Variants in MAPK8IP2 observed in about 807,000 individuals in gnomAD.
The protein encoded by MAPK8IP2 is mitogen-activated protein kinase 8 interacting protein 2.
MAPK8IP2 carries 15 observed loss-of-function variants against 75.6 expected under a neutral mutation model. The observed-to-expected ratio is 0.20, with a 90% CI of 0.13 to 0.31. MAPK8IP2 has a LOEUF of 0.31. Ranked by LOEUF, MAPK8IP2 falls within the 10% of genes least tolerant of loss-of-function variation. The pLI, the probability that MAPK8IP2 is intolerant of heterozygous loss-of-function variation, is 1.00. For missense variants in MAPK8IP2, 1,089 were observed against 1,211.2 expected, an observed-to-expected ratio of 0.90 and a Z score of 1.50; for synonymous variants, 632 against 554.5, an observed-to-expected ratio of 1.14 and a Z score of -1.96.
At position 50,604,241 on chromosome 22, in the gene MAPK8IP2, G is replaced by T; in HGVS notation, c.942G>T (p.Pro314=). The change falls in exon 5 of 12, where the codon CCG becomes CCT. Residue 314 remains proline (P), a synonymous_variant. Transcript: ENST00000329492. ...AGCCGGAGCCCCCGCGCGAACCCCC[G>T]CGCCGCCCCGCCTTCCTGCCCGTGG... ...ASEPEPPREP[P]RRPAFLPVGP... 6.4e-7 allele frequency: 1 copy of T among 1,563,686 alleles called. No individual in the cohort carries two copies. The highest frequency in any genetic ancestry group is 8.6e-7 in the Non-Finnish European group (1 of 1,163,086).
Position 50,604,594 on chromosome 22 carries a change from C to T in MAPK8IP2, c.1295C>T (p.Pro432Leu). 6.9e-7 allele frequency: 1 copy of T among 1,454,884 alleles called. No homozygotes were observed. Among genetic ancestry groups the T allele is most frequent in the South Asian group, 1.3e-5 (1 of 74,448 alleles). 90.1% of individuals were successfully genotyped at this position (1,454,884 alleles called of 1,614,324 possible). ...PAAPRPGPAQ[P>L]GPCLFLSNPT... ...GCGCCTCGACCCGGCCCCGCGCAGC[C>T]CGGGCCCTGCCTATTCCTCAGCAAC... The change falls in exon 5 of 12, where the codon CCC (proline) becomes CTC (leucine). Residue 432 changes from proline to leucine, a missense_variant. By Grantham distance (98) the Pro-to-Leu change is moderately conservative. This residue lies in a region of MAPK8IP2 where 960 missense variants were observed against 1,009.6 expected (regional missense o/e 0.95). Transcript: ENST00000329492.
At chr22:50,605,235 G>T in intron 5 of MAPK8IP2, 133 bp from the exon 6 acceptor site, 2 of 1,105,176 alleles carry the variant, frequency 1.8e-6, no homozygotes, top group Non-Finnish European at 2.6e-6. Context: ...CTCTGCCTCA[G>T]CTCCTTCCCG....
At chr22:50,602,029 C>G in intron 2 of MAPK8IP2, 135 bp downstream of exon 2, 1 of 678,948 alleles carries the variant, frequency 1.5e-6, no homozygotes, top group South Asian at 1.7e-5. Flanking sequence ...CTCCTCCCCA[C>G]TTAACCCTTG....
chr22:50,608,425 TCACCA>T (rs2071087115), intron 10 of MAPK8IP2, among the ~76,000 whole-genome samples: 2 of 104,722 alleles, frequency 1.9e-5, no homozygotes, highest in Non-Finnish European at 1.9e-5. Context: ...AGCTCTGGGG[TCACCA>T]GGACAGCGAA....
In MAPK8IP2 at chr22:50,604,952, G is replaced by C. The variant is rs571873645; in HGVS notation, c.1653G>C (p.Ala551=). Residue 551 remains alanine, a synonymous_variant, in exon 5 of 12, where the codon GCG becomes GCC. Coordinates refer to ENST00000329492, the MANE Select transcript of MAPK8IP2 (RefSeq NM_012324.6). ...AGGCCAGCGAGGAGGAGGCGGGCGC[G>C]GCGCTGCTAGGCGGCGGTCAGGTCT... ...GGEASEEEAG[A]ALLGGGQVSG... 3.7e-6 allele frequency: 6 copies of C among 1,611,688 alleles called. No homozygotes were observed. In the African/African-American group the frequency reaches 6.7e-5, roughly 18 times the overall value.
rs372704970 is a variant in MAPK8IP2, at chr22:50,603,508, C to T, written c.447+10C>T. Reference sequence around the variant, plus strand: ...CACACTGGGGGCCCAGGTGAGTGCCCGGACCCACAGCTCCCTGGAGCTGAG... The same window carrying T: ...CACACTGGGGGCCCAGGTGAGTGCCTGGACCCACAGCTCCCTGGAGCTGAG... On this transcript the variant is annotated intron_variant, in intron 3 of 11. Transcript: ENST00000329492. The T allele has an allele frequency of 2.6e-5, 41 of 1,564,172 alleles. No homozygotes were observed. The African/African-American group carries it at 3.0e-4, about 11-fold the overall frequency.
chr22:50,602,092 G>A (rs763005814), intron 2 of MAPK8IP2, among the ~76,000 whole-genome samples, 198 bp downstream of exon 2: 2 of 152,120 alleles, frequency 1.3e-5, no homozygotes, highest in Non-Finnish European at 2.9e-5. Flanking sequence ...AGGCCTCCAC[G>A]CAGGGCCTTC....
In MAPK8IP2 at chr22:50,604,245, C is replaced by G. The variant is rs953320146; in HGVS notation, c.946C>G (p.Arg316Gly). 1 of 1,564,762 alleles carries G rather than the reference C, an allele frequency of 6.4e-7. No homozygotes were observed. Among genetic ancestry groups the G allele is most frequent in the Non-Finnish European group, 8.6e-7 (1 of 1,163,604 alleles). Residue 316 changes from arginine (R) to glycine (G), a missense_variant, in exon 5 of 12, where the codon CGC (arginine) becomes GGC (glycine). Coordinates refer to ENST00000329492, the MANE Select transcript of MAPK8IP2 (RefSeq NM_012324.6). ...GGAGCCCCCGCGCGAACCCCCGCGC[C>G]GCCCCGCCTTCCTGCCCGTGGGCCC... is the stretch of plus-strand genomic sequence containing the variant. ...EPEPPREPPR[R>G]PAFLPVGPDD... is the part of the protein sequence containing the mutation.
In MAPK8IP2 at chr22:50,610,020, G is replaced by A. The variant is rs1208854177; in HGVS notation, c.2304-192G>A. ...AACTCAGAGCGTGAACTCTTGGTAG[G>A]TGCCCAGCCCTGTGCTTGGGCTGAA... On this transcript the variant is annotated intron_variant, in intron 10 of 11. Coordinates refer to ENST00000329492, the MANE Select transcript of MAPK8IP2 (RefSeq NM_012324.6). The surrounding 1 kb of genome is among the most constrained non-coding windows in gnomAD (Gnocchi z 4.3). 2 of 736,692 alleles carry A rather than the reference G, an allele frequency of 2.7e-6. No homozygotes were observed. The highest frequency in any genetic ancestry group is 2.5e-6 in the Non-Finnish European group (1 of 402,686). 45.6% of individuals were successfully genotyped at this position (736,692 alleles called of 1,614,324 possible).
At position 50,606,682 on chromosome 22, in the gene MAPK8IP2, G is replaced by A. The variant is rs370006761; in HGVS notation, c.2149G>A (p.Val717Ile). Residue 717 changes from valine to isoleucine, a missense_variant, in exon 9 of 12, where the codon GTC becomes ATC. Val to Ile is a conservative substitution (Grantham distance 29). Around this residue, in one of 2 missense-constraint regions of MAPK8IP2, gnomAD observed 129 missense variants for 201.7 expected, o/e 0.64. Transcript: ENST00000329492. ...QKIATARKLT[V>I]HLRPPASCDL... ...GATTGCCACTGCCCGGAAACTGACC[G>A]TCCACCTGCGCCCTCCTGCCTCCTG... is the stretch of plus-strand genomic sequence containing the variant. 24 of 1,597,516 alleles carry A rather than the reference G, an allele frequency of 1.5e-5. No individual in the cohort carries two copies. The highest frequency in any genetic ancestry group is 4.5e-5 in the South Asian group (4 of 88,194).
rs1056677826 is a variant in MAPK8IP2, at chr22:50,611,155, G to A, written c.*376G>A. The A allele has an allele frequency of 1.7e-4, 34 of 198,116 alleles. No homozygotes were observed. Among genetic ancestry groups the A allele is most frequent in the Non-Finnish European group, 3.4e-4 (34 of 98,706 alleles). 12.3% of individuals were successfully genotyped at this position (198,116 alleles called of 1,614,324 possible). ...GGTGTGGAGGAGGTGCGGCTCTAGG[G>A]ACAGGTAATGTCGGCTTCCAAGTGA... On this transcript the variant is annotated 3_prime_UTR_variant, in exon 12 of 12. Coordinates refer to ENST00000329492, the MANE Select transcript of MAPK8IP2 (RefSeq NM_012324.6). The surrounding 1 kb of genome is among the most constrained non-coding windows in gnomAD (Gnocchi z 5.5).
At chr22:50,606,570 A>T in intron 8 of MAPK8IP2, 88 bp from the exon 9 acceptor site, 1 of 906,298 alleles carries the variant, frequency 1.1e-6, no homozygotes, top group South Asian at 1.4e-5. Context: ...ACATAAGCTA[A>T]AAGGAGCAGA....
chr22:50,604,488 C>T lies in MAPK8IP2; in HGVS notation c.1189C>T (p.Pro397Ser). 5 of 1,252,410 alleles carry T rather than the reference C, an allele frequency of 4.0e-6. No individual in the cohort carries two copies. Among genetic ancestry groups the T allele is most frequent in the South Asian group, 6.3e-5 (2 of 31,960 alleles). The allele number at this position is 1,252,410 out of a possible 1,614,324, so 77.6% of individuals were successfully genotyped here. ...CGGGGCCGCCCAGGACTCCCAGGAC[C>T]CCGAGGCGGCCGCGGGGCCCGGCGG... ...AGGAAQDSQDPEAAAGPGGVE... is the reference protein window; with the variant it reads ...AGGAAQDSQDSEAAAGPGGVE... Residue 397 changes from proline (P) to serine (S), a missense_variant, in exon 5 of 12, where the codon CCC becomes TCC. Around this residue, in one of 2 missense-constraint regions of MAPK8IP2, gnomAD observed 960 missense variants for 1,009.6 expected, o/e 0.95. Transcript: ENST00000329492.
Position 50,603,495 on chromosome 22 carries a change from C to A in MAPK8IP2, c.444C>A (p.Ala148=). 1 of 1,562,156 alleles carries A rather than the reference C, an allele frequency of 6.4e-7. No homozygotes were observed. The highest frequency in any genetic ancestry group is 8.7e-7 in the Non-Finnish European group (1 of 1,150,140). Reference sequence around the variant, plus strand: ...CCCTCCGTCTGACCACACTGGGGGCCCAGGTGAGTGCCCGGACCCACAGCT... The same window carrying A: ...CCCTCCGTCTGACCACACTGGGGGCACAGGTGAGTGCCCGGACCCACAGCT... ...PTTLRLTTLG[A]QDSLNNNGGF... The change falls in exon 3 of 12, where the codon GCC becomes GCA. Residue 148 remains alanine, a synonymous_variant. Transcript: ENST00000329492.
Position 50,603,411 on chromosome 22 carries a change from C to G in MAPK8IP2, c.360C>G (p.Ala120=), listed in dbSNP as rs770254493. The change falls in exon 3 of 12, where the codon GCC becomes GCG. Residue 120 remains alanine (A), a synonymous_variant. Coordinates refer to ENST00000329492, the MANE Select transcript of MAPK8IP2 (RefSeq NM_012324.6). ...EGGDPGSEAP[A]PGPLIPSPSV... Reference sequence around the variant, plus strand: ...GAGACCCTGGCTCAGAGGCACCTGCCCCCGGGCCCCTTATCCCCTCCCCTT... The same window carrying G: ...GAGACCCTGGCTCAGAGGCACCTGCGCCCGGGCCCCTTATCCCCTCCCCTT... 1 of 1,560,714 alleles carries G rather than the reference C, an allele frequency of 6.4e-7. No individual in the cohort carries two copies. The highest frequency in any genetic ancestry group is 1.9e-5 in the Admixed American group (1 of 53,182).
In MAPK8IP2 at chr22:50,610,116, A is replaced by G. The variant is rs545038041; in HGVS notation, c.2304-96A>G. The G allele has an allele frequency of 6.9e-6, 6 of 867,000 alleles. No individual in the cohort carries two copies. The highest frequency in any genetic ancestry group is 5.7e-5 in the South Asian group (4 of 70,516). 53.7% of individuals were successfully genotyped at this position (867,000 alleles called of 1,614,324 possible). A position where few individuals can be genotyped will look rare whatever the true frequency, so the allele number is the denominator to read the frequency against. Reference sequence around the variant, plus strand: ...ACTCCTGTCCCTTACCCTCTCCCCAAGCCCTTTGTTCCTGCCTCTTCTCTC... The same window carrying G: ...ACTCCTGTCCCTTACCCTCTCCCCAGGCCCTTTGTTCCTGCCTCTTCTCTC... On this transcript the variant is annotated intron_variant, in intron 10 of 11. Coordinates refer to ENST00000329492, the MANE Select transcript of MAPK8IP2 (RefSeq NM_012324.6). This position sits in a 1 kb window ranked among gnomAD's most constrained non-coding sequence, Gnocchi z 4.3.
Position 50,604,549 on chromosome 22 carries a change from C to T in MAPK8IP2, c.1250C>T (p.Pro417Leu). The change falls in exon 5 of 12, where the codon CCG becomes CTG. Residue 417 changes from proline to leucine, a missense_variant. This residue lies in a region of MAPK8IP2 where 960 missense variants were observed against 1,009.6 expected (regional missense o/e 0.95). Coordinates refer to ENST00000329492, the MANE Select transcript of MAPK8IP2 (RefSeq NM_012324.6). Reference protein sequence around the residue: ...ELVDMETLCAPPPPAPAAPRP... With the variant: ...ELVDMETLCALPPPAPAAPRP... ...GTGGACATGGAGACGCTGTGCGCGC[C>T]GCCGCCGCCCGCGCCCGCCGCGCCT... 8.8e-7 allele frequency: 1 copy of T among 1,142,182 alleles called. No individual in the cohort carries two copies. Among genetic ancestry groups the T allele is most frequent in the Non-Finnish European group, 1.1e-6 (1 of 934,864 alleles). The allele number at this position is 1,142,182 out of a possible 1,614,324, so 70.8% of individuals were successfully genotyped here. A position where few individuals can be genotyped will look rare whatever the true frequency, so the allele number is the denominator to read the frequency against.
chr22:50,606,698 C>A lies in MAPK8IP2; in HGVS notation c.2165C>A (p.Pro722His). 1 of 1,598,564 alleles carries A rather than the reference C, an allele frequency of 6.3e-7. No individual in the cohort carries two copies. The change falls in exon 9 of 12, where the codon CCT (proline) becomes CAT (histidine). Residue 722 changes from proline to histidine, a missense_variant. Transcript: ENST00000329492. Reference protein sequence around the residue: ...ARKLTVHLRPPASCDLEISLR... With the variant: ...ARKLTVHLRPHASCDLEISLR... The stretch of plus-strand genomic sequence containing the variant: ...AAACTGACCGTCCACCTGCGCCCTC[C>A]TGCCTCCTGTGACCTCGAGATCTCT...
chr22:50,605,706 G>T lies in MAPK8IP2; in HGVS notation c.1986G>T (p.Ala662=), dbSNP rs754876539. 2.5e-6 allele frequency: 4 copies of T among 1,610,462 alleles called. No individual in the cohort carries two copies. The African/African-American group carries it at 5.3e-5, about 21-fold the overall frequency. ...RGVFPAFYAH[A]VPGPAKDLLG... ...TGTTTCCTGCCTTCTACGCCCATGC[G>T]GTGCCCGGCCCTGCCAAGGACCTGC... is the stretch of plus-strand genomic sequence containing the variant. The change falls in exon 7 of 12, where the codon GCG becomes GCT. Residue 662 remains alanine (A), a synonymous_variant. Transcript: ENST00000329492.
Sources: gnomAD v4.1 joint callset for allele counts (sites outside exome capture counted in the v4.1 genomes callset) on GRCh38, gnomAD v4.1.1 for gene constraint, gnomAD v4.1.1 regional missense constraint, Gnocchi (gnomAD v3.1) non-coding constraint, MANE v1.5 for transcripts, NCBI Gene and HGNC (gene_info 2026-07-23, HGNC 2026-07-21) for gene names.